The following DLG1 variants were observed in gnomAD, a reference collection of about 807,000 sequenced individuals.
DLG1 encodes discs large MAGUK scaffold protein 1.
A neutral mutation model predicts 123.4 loss-of-function variants in DLG1; 42 were observed. That is an observed-to-expected ratio of 0.34 (90% confidence interval 0.27 to 0.44). The LOEUF is 0.44. Ranked by LOEUF, DLG1 falls within the 20% of genes least tolerant of loss-of-function variation. DLG1 has a pLI of 1.00. For missense variants in DLG1, 942 were observed against 1,082.6 expected (o/e 0.87, Z 1.82); for synonymous variants, 317 against 356.2 (o/e 0.89, Z 1.24).
intron 4 of DLG1, among the ~76,000 whole-genome samples, chr3:197,264,404 G>A (rs190248983): frequency 7.2e-5 from 11 of 152,152 alleles, no homozygotes; most frequent in Admixed American, 2.0e-4. Flanking sequence ...GACAATACTC[G>A]TTGGAGCATT....
intron 5 of DLG1, among the ~76,000 whole-genome samples, chr3:197,193,686 T>A (rs371583609): frequency 6.6e-6 from 1 of 152,146 alleles, no homozygotes; most frequent in African/African-American, 2.4e-5. Flanking sequence ...TGCAAAACAA[T>A]TGATTAGCAA....
intron 3 of DLG1, among the ~76,000 whole-genome samples, chr3:197,283,840 C>T (rs994448802): frequency 2.7e-5 from 4 of 150,132 alleles, no homozygotes; most frequent in Non-Finnish European, 5.9e-5. Flanking sequence ...ACAAACTTAA[C>T]TCCCTTTTCA....
At chr3:197,084,316 GTTT>G (rs71623334) in intron 16 of DLG1, among the ~76,000 whole-genome samples, 2 of 143,036 alleles carry the variant, frequency 1.4e-5, no homozygotes. Context: ...ACTTTTTGTT[GTTT>G]TTTTTTTTTT....
chr3:197,127,440 AAAAAAAAAAAAAAAAAAATATATATATAT>A (rs1779849080), intron 11 of DLG1, among the ~76,000 whole-genome samples: 4 of 40,588 alleles, frequency 9.9e-5, no homozygotes, highest in East Asian at 5.4e-4. Context: ...AAAAAAAAAA[AAAAAAAAAAAAAAAAAAATATATATATAT>A]ATATATATAT....
At chr3:197,274,521 A>G (rs1765479049) in intron 4 of DLG1, among the ~76,000 whole-genome samples, 1 of 152,166 alleles carries the variant, frequency 6.6e-6, no homozygotes, top group Non-Finnish European at 1.5e-5. Flanking sequence ...ACGACACGAT[A>G]CGATACGAAA....
intron 5 of DLG1, among the ~76,000 whole-genome samples, chr3:197,189,159 T>C (rs1173947149): frequency 6.6e-6 from 1 of 152,194 alleles, no homozygotes; most frequent in African/African-American, 2.4e-5. Flanking sequence ...TGGTAATCCA[T>C]CCAAAGGAAA....
chr3:197,124,705 T>C (rs1023225911), intron 11 of DLG1, among the ~76,000 whole-genome samples: 1 of 152,066 alleles, frequency 6.6e-6, no homozygotes, highest in African/African-American at 2.4e-5. Context: ...GCCTGCCAAA[T>C]AATTGGGACC....
At chr3:197,114,447 T>C (rs1771890370) in intron 13 of DLG1, among the ~76,000 whole-genome samples, 2 of 152,188 alleles carry the variant, frequency 1.3e-5, no homozygotes, top group South Asian at 2.1e-4. Flanking sequence ...ATCTTCAAAA[T>C]ACTGAGAGGT....
At chr3:197,210,918 T>C (rs1259451424) in intron 4 of DLG1, among the ~76,000 whole-genome samples, 3 of 145,834 alleles carry the variant, frequency 2.1e-5, no homozygotes, top group Non-Finnish European at 3.1e-5. Context: ...AAGAATCCTT[T>C]TTAAAATACA....
At position 197,181,387 on chromosome 3, in the gene DLG1, C is replaced by A. The variant is rs557257446; in HGVS notation, c.483+13038G>T. Among the ~76,000 whole-genome samples the A allele has an allele frequency of 2.0e-5, 3 of 152,220 alleles. No individual in the cohort carries two copies. In the South Asian group the frequency reaches 6.2e-4, roughly 32 times the overall value. On this transcript the variant is annotated intron_variant, in intron 5 of 24. Coordinates refer to ENST00000667157, the MANE Select transcript of DLG1 (RefSeq NM_001366207.1). ...CCTCTGTTATTTACCAATCGCAGTA[C>A]AAAACACTATGACCTTATTATATTC...
Position 197,138,265 on chromosome 3 carries a change from C to A in DLG1, c.840G>T (p.Val280=). 1.2e-6 allele frequency: 2 copies of A among 1,603,390 alleles called. No homozygotes were observed. The highest frequency in any genetic ancestry group is 1.7e-6 in the Non-Finnish European group (2 of 1,173,100). Residue 280 remains valine, a synonymous_variant, in exon 9 of 25, where the codon GTG becomes GTT. Transcript: ENST00000667157. ...GCTTTATTTCCATTATTTTTTCTGA[C>A]ACTGGTTTCCTTCTTTTTACATACA... is the stretch of plus-strand genomic sequence containing the variant. The part of the protein sequence containing the change: ...VRLYVKRRKP[V]SEKIMEIKLI...
chr3:197,218,110 A>C (rs2150471900), intron 4 of DLG1, among the ~76,000 whole-genome samples: 1 of 152,364 alleles, frequency 6.6e-6, no homozygotes, highest in East Asian at 1.9e-4. Context: ...AAAAAGTGAC[A>C]AAGAATGATG....
chr3:197,250,689 A>G (rs1217213317), intron 4 of DLG1, among the ~76,000 whole-genome samples: 1 of 152,168 alleles, frequency 6.6e-6, no homozygotes, highest in Admixed American at 6.5e-5. Flanking sequence ...TTAAAGATCT[A>G]TACAGGAAAA....
At chr3:197,196,314 A>G (rs1722496013) in intron 4 of DLG1, among the ~76,000 whole-genome samples, 1 of 152,208 alleles carries the variant, frequency 6.6e-6, no homozygotes, top group South Asian at 2.1e-4. Flanking sequence ...TCTGGCTTAC[A>G]TCAACATTAG....
At position 197,272,040 on chromosome 3, in the gene DLG1, G is replaced by A. The variant is rs565391685; in HGVS notation, c.318+10639C>T. On this transcript the variant is annotated intron_variant, in intron 4 of 24. Coordinates refer to ENST00000667157, the MANE Select transcript of DLG1 (RefSeq NM_001366207.1). Reference sequence around the variant, plus strand: ...TCCTCTACAACTGGTGCTACTATAAGTTCTCATCCAATTTCAGATAGCTCC... The same window carrying A: ...TCCTCTACAACTGGTGCTACTATAAATTCTCATCCAATTTCAGATAGCTCC... 1.1e-4 allele frequency among the ~76,000 whole-genome samples: 17 copies of A among 152,228 alleles called. No homozygotes were observed. The South Asian group carries it at 3.5e-3, about 32-fold the overall frequency.
At chr3:197,189,066 C>T (rs995300511) in intron 5 of DLG1, among the ~76,000 whole-genome samples, 8 of 152,194 alleles carry the variant, frequency 5.3e-5, no homozygotes, top group African/African-American at 1.7e-4. Flanking sequence ...TCTTAAATTA[C>T]AATTCTATCA....
chr3:197,061,229 T>C (rs1735544923), intron 22 of DLG1, among the ~76,000 whole-genome samples: 1 of 152,158 alleles, frequency 6.6e-6, no homozygotes, highest in Admixed American at 6.5e-5. Context: ...GAAAAGTAAA[T>C]AATAGACACC....
chr3:197,100,753 G>GA (rs1412480683), intron 14 of DLG1, among the ~76,000 whole-genome samples: 1 of 152,040 alleles, frequency 6.6e-6, no homozygotes, highest in East Asian at 1.9e-4. Flanking sequence ...ACAGATGCAG[G>GA]AAAAAAGCCT....
chr3:197,140,009 G>T, intron 8 of DLG1, 131 bp downstream of exon 8: 1 of 935,990 alleles, frequency 1.1e-6, no homozygotes, highest in Non-Finnish European at 1.5e-6. Flanking sequence ...TGACTTGAAT[G>T]TTGTTAAAGC....
Sources: gnomAD v4.1 joint callset for allele counts (sites outside exome capture counted in the v4.1 genomes callset) on GRCh38, gnomAD v4.1.1 for gene constraint, MANE v1.5 for transcripts, NCBI Gene and HGNC (gene_info 2026-07-23, HGNC 2026-07-21) for gene names.